CCNB1: variants seen among roughly 807,000 people sequenced by gnomAD.
CCNB1 encodes the protein G2/mitotic-specific cyclin-B1.
In CCNB1, 26 loss-of-function variants were observed where a neutral mutation model predicts 44.4. That is an observed-to-expected ratio of 0.59 (90% CI 0.43 to 0.81). The LOEUF (loss-of-function observed/expected upper bound fraction) is 0.81, where lower values mean the gene tolerates loss of function less well. Ranked by LOEUF, CCNB1 falls within the 40% of genes least tolerant of loss-of-function variation. The pLI is 0.00. For synonymous variants in CCNB1, 195 were observed against 181.4 expected (o/e 1.08, Z -0.60); for missense variants, 477 against 520.9 (o/e 0.92, Z 0.82).
Position 69,168,178 on chromosome 5 carries a change from A to C in CCNB1, c.198A>C (p.Ala66=). The change falls in exon 3 of 9, where the codon GCA becomes GCC. Residue 66 remains alanine (A), a synonymous_variant. Transcript: ENST00000256442. ...TCTCTCTGTTTCATCTACAGGAAGC[A>C]AAACCTTCAGCTACTGGAAAAGTCA... is the stretch of plus-strand genomic sequence containing the variant. ...LQAKMPMKKE[A]KPSATGKVID... 1 of 1,614,086 alleles carries C rather than the reference A, an allele frequency of 6.2e-7. No individual in the cohort carries two copies. Among genetic ancestry groups the C allele is most frequent in the Non-Finnish European group, 8.5e-7 (1 of 1,179,986 alleles).
rs1275271534 is a variant in CCNB1, at chr5:69,177,650, A to G, written c.*19A>G. On this transcript the variant is annotated 3_prime_UTR_variant, in exon 9 of 9. Coordinates refer to ENST00000256442, the MANE Select transcript of CCNB1 (RefSeq NM_031966.4). ...GGTGTAACTTGTAAACTTGAGTTGG[A>G]GTACTATATTTACAAATAAAATTGG... The G allele has an allele frequency of 1.4e-6, 2 of 1,433,294 alleles. No homozygotes were observed. Among genetic ancestry groups the G allele is most frequent in the Admixed American group, 1.7e-5 (1 of 57,568 alleles). 88.8% of individuals were successfully genotyped at this position (1,433,294 alleles called of 1,614,324 possible). A position where few individuals can be genotyped will look rare whatever the true frequency, so the allele number is the denominator to read the frequency against.
intron 1 of CCNB1, 146 bp downstream of exon 1, chr5:69,167,429 C>CT (rs1747359612): frequency 2.5e-6 from 2 of 803,304 alleles, no homozygotes; most frequent in Admixed American, 4.4e-5. Context: ...AAGAGAGCGC[C>CT]GAGGTGGGCC....
chr5:69,172,164 G>C (rs1237530507), intron 4 of CCNB1, among the ~76,000 whole-genome samples: 3 of 152,160 alleles, frequency 2.0e-5, no homozygotes, highest in Non-Finnish European at 2.9e-5. Flanking sequence ...TGCAGTCTCT[G>C]TCTCCTGGGT....
intron 5 of CCNB1, 151 bp from the exon 6 acceptor site, chr5:69,174,726 A>G: frequency 1.3e-6 from 1 of 743,608 alleles, no homozygotes; most frequent in Non-Finnish European, 2.3e-6. Context: ...AAAGAAAGAA[A>G]TAAACTGACT....
At position 69,177,812 on chromosome 5, in the gene CCNB1, G is replaced by C; in HGVS notation, c.*181G>C. On this transcript the variant is annotated 3_prime_UTR_variant, in exon 9 of 9. Coordinates refer to ENST00000256442, the MANE Select transcript of CCNB1 (RefSeq NM_031966.4). ...GGGTAGCGGAAAAGTTGTCTTAAAA[G>C]GTATGGTGGGGATATTTTTAAAAAC... The C allele has an allele frequency of 2.0e-6, 1 of 512,708 alleles. No individual in the cohort carries two copies. The allele number at this position is 512,708 out of a possible 1,614,324, so 31.8% of individuals were successfully genotyped here.
chr5:69,175,416 C>T lies in CCNB1; in HGVS notation c.962C>T (p.Thr321Ile). The T allele has an allele frequency of 1.2e-6, 2 of 1,613,422 alleles. No homozygotes were observed. The highest frequency in any genetic ancestry group is 2.2e-5 in the South Asian group (2 of 90,720). Residue 321 changes from threonine (T) to isoleucine (I), a missense_variant, in exon 7 of 9, where the codon ACT (threonine) becomes ATT (isoleucine). By Grantham distance (89) the Thr-to-Ile change is moderately conservative. Coordinates refer to ENST00000256442, the MANE Select transcript of CCNB1 (RefSeq NM_031966.4). ...TTTCAGGTTGATGTCGAGCAACATACTTTGGCCAAATACCTGATGGAACTA... is the reference window on the plus strand; with the variant it reads ...TTTCAGGTTGATGTCGAGCAACATATTTTGGCCAAATACCTGATGGAACTA... ...KIGEVDVEQHTLAKYLMELTM... is the reference protein window; with the variant it reads ...KIGEVDVEQHILAKYLMELTM...
chr5:69,176,042 C>G (rs1747582258), intron 7 of CCNB1, among the ~76,000 whole-genome samples: 1 of 142,750 alleles, frequency 7.0e-6, no homozygotes, highest in African/African-American at 2.6e-5. Context: ...GTCCCAGCTA[C>G]TCTGGAGGCT....
intron 1 of CCNB1, 82 bp from the exon 2 acceptor site, chr5:69,167,826 C>G: frequency 1.5e-6 from 2 of 1,295,604 alleles, no homozygotes; most frequent in Non-Finnish European, 2.1e-6. Context: ...CTGGGAACTT[C>G]TCCTTGTGCC....
chr5:69,171,817 C>T (rs1198409947), intron 4 of CCNB1, among the ~76,000 whole-genome samples: 1 of 152,158 alleles, frequency 6.6e-6, no homozygotes, highest in Admixed American at 6.5e-5. Context: ...GTAGAATATA[C>T]TCAAAGACTA....
rs1172387475 is a variant in CCNB1 at position 69,178,000 on chromosome 5, G to A, written c.*369G>A. 1 of 162,242 alleles carries A rather than the reference G, an allele frequency of 6.2e-6. No homozygotes were observed. Among genetic ancestry groups the A allele is most frequent in the Admixed American group, 6.1e-5 (1 of 16,456 alleles). 10.1% of individuals were successfully genotyped at this position (162,242 alleles called of 1,614,324 possible). A position where few individuals can be genotyped will look rare whatever the true frequency, so the allele number is the denominator to read the frequency against. ...CATACTGCATGTAAGCCAAGTCATGGAGAATCTGCTGCATAGCTCTATTTT... is the reference window on the plus strand; with the variant it reads ...CATACTGCATGTAAGCCAAGTCATGAAGAATCTGCTGCATAGCTCTATTTT... On this transcript the variant is annotated 3_prime_UTR_variant, in exon 9 of 9. Transcript: ENST00000256442.
Position 69,168,259 on chromosome 5 carries a change from A to T in CCNB1, c.279A>T (p.Pro93=). The T allele has an allele frequency of 6.2e-7, 1 of 1,614,146 alleles. No individual in the cohort carries two copies. Among genetic ancestry groups the T allele is most frequent in the Non-Finnish European group, 8.5e-7 (1 of 1,180,000 alleles). The change falls in exon 3 of 9, where the codon CCA becomes CCT. Residue 93 remains proline (P), a synonymous_variant. Coordinates refer to ENST00000256442, the MANE Select transcript of CCNB1 (RefSeq NM_031966.4). The part of the protein sequence containing the change: ...LEKVPMLVPV[P]VSEPVPEPEP... ...AGGTACCTATGCTGGTGCCAGTGCC[A>T]GTGTCTGAGCCAGTGCCAGAGCCAG... is the stretch of plus-strand genomic sequence containing the variant.
intron 4 of CCNB1, among the ~76,000 whole-genome samples, 191 bp from the exon 5 acceptor site, chr5:69,174,060 C>T (rs1266252150): frequency 6.6e-6 from 1 of 152,106 alleles, no homozygotes; most frequent in South Asian, 2.1e-4. Context: ...TGAGCCACCA[C>T]GCCAGCCTTC....
chr5:69,167,392 G>A lies in CCNB1; in HGVS notation c.21+109G>A, dbSNP rs998008587. 2.3e-6 allele frequency: 3 copies of A among 1,304,768 alleles called. No homozygotes were observed. In the African/African-American group the frequency reaches 4.4e-5, roughly 19 times the overall value. The allele number at this position is 1,304,768 out of a possible 1,614,324, so 80.8% of individuals were successfully genotyped here. A position where few individuals can be genotyped will look rare whatever the true frequency, so the allele number is the denominator to read the frequency against. On this transcript the variant is annotated intron_variant, in intron 1 of 8. Transcript: ENST00000256442. ...CGGGAGAGGGCCGCAGGAGCGATTT[G>A]GGGAGGAAGGTGGGAGGGGACTCAC...
rs1275500022 is a variant in CCNB1 at position 69,175,363 on chromosome 5, T to G, written c.943-34T>G. 7 of 1,603,914 alleles carry G rather than the reference T, an allele frequency of 4.4e-6. No homozygotes were observed. The Admixed American group carries it at 8.6e-5, about 20-fold the overall frequency. Reference sequence around the variant, plus strand: ...AGGTTAGTGCCAAAGGAAAATTTTCTGAAAGAAACTCAGTAACATGGGTTT... The same window carrying G: ...AGGTTAGTGCCAAAGGAAAATTTTCGGAAAGAAACTCAGTAACATGGGTTT... On this transcript the variant is annotated intron_variant, in intron 6 of 8. Coordinates refer to ENST00000256442, the MANE Select transcript of CCNB1 (RefSeq NM_031966.4).
chr5:69,177,203 G>C, intron 7 of CCNB1, 36 bp from the exon 8 acceptor site: 2 of 1,180,778 alleles, frequency 1.7e-6, no homozygotes, highest in Non-Finnish European at 2.5e-6. Context: ...AATCATTATT[G>C]ATTTGAGCAT....
chr5:69,172,640 A>G (rs1464937921), intron 4 of CCNB1, among the ~76,000 whole-genome samples: 3 of 151,672 alleles, frequency 2.0e-5, no homozygotes, highest in East Asian at 1.9e-4. Context: ...TCCTTTTTCT[A>G]TAGGATTCTT....
Position 69,167,920 on chromosome 5 carries a change from A to G in CCNB1, c.34A>G (p.Asn12Asp). The G allele has an allele frequency of 6.2e-7, 1 of 1,608,600 alleles. No individual in the cohort carries two copies. Among genetic ancestry groups the G allele is most frequent in the African/African-American group, 1.3e-5 (1 of 74,650 alleles). ...ALRVTRNSKI[N>D]AENKAKINMA... ...TTGCTTCTTTCAGAACTCGAAAATT[A>G]ATGCTGAAAATAAGGCGAAGATCAA... The change falls in exon 2 of 9, where the codon AAT becomes GAT. Residue 12 changes from asparagine to aspartate, a missense_variant. By Grantham distance (23) the Asn-to-Asp change is conservative. Coordinates refer to ENST00000256442, the MANE Select transcript of CCNB1 (RefSeq NM_031966.4).
At chr5:69,176,006 T>C (rs1451469761) in intron 7 of CCNB1, among the ~76,000 whole-genome samples, 1 of 124,594 alleles carries the variant, frequency 8.0e-6, no homozygotes, top group African/African-American at 3.2e-5. Context: ...TATATATATA[T>C]ATATATATAC....
intron 1 of CCNB1, among the ~76,000 whole-genome samples, 183 bp from the exon 2 acceptor site, chr5:69,167,725 A>G (rs1747366362): frequency 6.6e-6 from 1 of 152,144 alleles, no homozygotes; most frequent in African/African-American, 2.4e-5. Context: ...TGGTAAATGT[A>G]GAGGTCGGCG....
Sources: allele counts gnomAD v4.1 joint callset (sites outside exome capture counted in the v4.1 genomes callset), GRCh38; gene constraint gnomAD v4.1.1; transcripts MANE v1.5; gene names NCBI Gene and HGNC (gene_info 2026-07-23, HGNC 2026-07-21).